Variants in CREB1 observed in about 807,000 individuals in gnomAD.
CREB1 encodes the protein cyclic AMP-responsive element-binding protein 1.
CREB1 carries 2 observed loss-of-function variants against 42.0 expected under a neutral mutation model. The ratio of observed to expected loss-of-function variants is 0.05; its 90% CI spans 0.02 to 0.15. The LOEUF is 0.15. CREB1 is among the 10% of genes least tolerant of loss of function. The probability of loss-of-function intolerance (pLI) is 1.00; values close to 1 mark genes in which losing one functional copy is unlikely to be tolerated. For synonymous variants in CREB1, 123 were observed against 139.9 expected (o/e 0.88, Z 0.85); for missense variants, 199 against 388.9 (o/e 0.51, Z 4.11).
intron 1 of CREB1, among the ~76,000 whole-genome samples, chr2:207,539,410 G>C (rs2081007033): frequency 1.3e-5 from 2 of 152,118 alleles, no homozygotes; most frequent in Middle Eastern, 3.4e-3. Flanking sequence ...ATTGTTTGCT[G>C]TGATCAATGG....
intron 5 of CREB1, among the ~76,000 whole-genome samples, chr2:207,571,115 C>G (rs1000971118): frequency 1.3e-5 from 2 of 150,218 alleles, no homozygotes; most frequent in East Asian, 3.9e-4. Context: ...CATTTATACC[C>G]TTTTCCCCAC....
rs1036202903 is a variant in CREB1 at position 207,605,189 on chromosome 2, T to C, written c.*8131T>C. Among the ~76,000 whole-genome samples, 1 of 152,216 alleles carries C rather than the reference T, an allele frequency of 6.6e-6. No individual in the cohort carries two copies. Among genetic ancestry groups the C allele is most frequent in the South Asian group, 2.1e-4 (1 of 4,834 alleles). On this transcript the variant is annotated 3_prime_UTR_variant, in exon 8 of 8. Transcript: ENST00000353267. ...GTACCGTTTTACCTTCCACCATTGA[T>C]GTATGAGGGTTCCAATTTCTCCACA... is the stretch of plus-strand genomic sequence containing the variant.
At chr2:207,582,045 G>A (rs371674494) in intron 7 of CREB1, 9 of 699,948 alleles carry the variant, frequency 1.3e-5, no homozygotes, top group East Asian at 5.4e-5. Context: ...TACATAATTG[G>A]CGATATTAAC....
Position 207,601,933 on chromosome 2 carries a change from G to A in CREB1, c.*4875G>A. On this transcript the variant is annotated 3_prime_UTR_variant, in exon 8 of 8. Transcript: ENST00000353267. The stretch of plus-strand genomic sequence containing the variant: ...CTATTAAGTTGGCTACACAGTCACT[G>A]TATGTACTAGGAACTGGTTTCCTTG... 4.7e-6 allele frequency: 1 copy of A among 211,230 alleles called. No homozygotes were observed. The allele number at this position is 211,230 out of a possible 1,614,324, so 13.1% of individuals were successfully genotyped here. A position where few individuals can be genotyped will look rare whatever the true frequency, so the allele number is the denominator to read the frequency against.
chr2:207,594,002 A>G (rs959383356), intron 7 of CREB1, among the ~76,000 whole-genome samples: 13 of 152,134 alleles, frequency 8.5e-5, no homozygotes, highest in African/African-American at 3.1e-4. Flanking sequence ...CTGGGATTAC[A>G]GGGGTGAGCC....
At chr2:207,573,291 T>C (rs1053861501) in intron 5 of CREB1, among the ~76,000 whole-genome samples, 3 of 152,226 alleles carry the variant, frequency 2.0e-5, no homozygotes, top group Admixed American at 6.5e-5. Flanking sequence ...TACATAAACA[T>C]TATAGAGAAA....
At chr2:207,571,105 C>A (rs903777813) in intron 5 of CREB1, among the ~76,000 whole-genome samples, 1 of 144,820 alleles carries the variant, frequency 6.9e-6, no homozygotes, top group African/African-American at 2.5e-5. Context: ...TGGTGCTGCC[C>A]ATTTATACCC....
chr2:207,596,910 G>T lies in CREB1; in HGVS notation c.840-4G>T. The T allele has an allele frequency of 2.5e-6, 4 of 1,603,402 alleles. No homozygotes were observed. The South Asian group carries it at 3.4e-5, about 14-fold the overall frequency. The stretch of plus-strand genomic sequence containing the variant: ...TAATTTTTCCCGTCCTCTTTTGCTT[G>T]TAGGGAAGCAGCTCGAGAGTGTCGT... On this transcript the variant is annotated splice_polypyrimidine_tract_variant and splice_region_variant and intron_variant, in intron 7 of 7. Coordinates refer to ENST00000353267, the MANE Select transcript of CREB1 (RefSeq NM_004379.5).
rs1325741902 is a variant in CREB1, at chr2:207,538,295, A to G, written c.-9+8161A>G. Among the ~76,000 whole-genome samples the G allele has an allele frequency of 8.5e-5, 13 of 152,294 alleles. No homozygotes were observed. The East Asian group carries it at 1.9e-3, about 23-fold the overall frequency. ...GAGAAGGCAGTTTCTCCAGTGATGA[A>G]TAATTACCTATAATTTAATACGTGC... On this transcript the variant is annotated intron_variant, in intron 1 of 7. Coordinates refer to ENST00000353267, the MANE Select transcript of CREB1 (RefSeq NM_004379.5).
intron 7 of CREB1, among the ~76,000 whole-genome samples, chr2:207,591,465 T>TG (rs1184831711): frequency 1.3e-5 from 2 of 152,206 alleles, no homozygotes; most frequent in African/African-American, 2.4e-5. Context: ...CTTGCTCTGT[T>TG]GCCCAGGCTG....
intron 5 of CREB1, among the ~76,000 whole-genome samples, chr2:207,572,765 G>A (rs1027329272): frequency 6.6e-6 from 1 of 151,260 alleles, no homozygotes; most frequent in Non-Finnish European, 1.5e-5. Context: ...GCAGTGAGCC[G>A]AGATAGCGCC....
Position 207,601,529 on chromosome 2 carries a change from GA to G in CREB1, c.*4475del. The stretch of plus-strand genomic sequence containing the variant: ...TTTCATCTTGGATGAAGATTGAAGG[GA>G]AAATAACTCAAGTGCATAATATTTA... On this transcript the variant is annotated 3_prime_UTR_variant, in exon 8 of 8. Transcript: ENST00000353267. 5.1e-6 allele frequency: 1 copy of G among 196,844 alleles called. No homozygotes were observed. The highest frequency in any genetic ancestry group is 1.1e-5 in the Non-Finnish European group (1 of 94,946). The allele number at this position is 196,844 out of a possible 1,614,324, so 12.2% of individuals were successfully genotyped here.
At chr2:207,559,312 C>G (rs1045192945) in intron 2 of CREB1, 22 of 979,524 alleles carry the variant, frequency 2.2e-5, no homozygotes, top group Non-Finnish European at 2.5e-5. Flanking sequence ...ACATTCTTCC[C>G]TGATAGCCTC....
At chr2:207,578,747 A>T (rs1287654476) in intron 7 of CREB1, among the ~76,000 whole-genome samples, 1 of 151,466 alleles carries the variant, frequency 6.6e-6, no homozygotes, top group Non-Finnish European at 1.5e-5. Context: ...AATGGCAGAG[A>T]TTTTTCTGGG....
At position 207,604,821 on chromosome 2, in the gene CREB1, G is replaced by A. The variant is rs1232373567; in HGVS notation, c.*7763G>A. Among the ~76,000 whole-genome samples, 2 of 152,210 alleles carry A rather than the reference G, an allele frequency of 1.3e-5. No individual in the cohort carries two copies. The highest frequency in any genetic ancestry group is 4.8e-5 in the African/African-American group (2 of 41,450). On this transcript the variant is annotated 3_prime_UTR_variant, in exon 8 of 8. Coordinates refer to ENST00000353267, the MANE Select transcript of CREB1 (RefSeq NM_004379.5). ...ATTTACATCCGGGTATTTCATGTGA[G>A]ACTCATACACTGTGTATTACTTCTT...
intron 7 of CREB1, chr2:207,581,256 A>C (rs1559055514): frequency 5.0e-6 from 1 of 201,070 alleles, no homozygotes; most frequent in Non-Finnish European, 1.0e-5. Flanking sequence ...AGATTCTTAG[A>C]AAATGGATAG....
At chr2:207,557,071 G>C (rs1010688417) in intron 2 of CREB1, among the ~76,000 whole-genome samples, 1 of 152,150 alleles carries the variant, frequency 6.6e-6, no homozygotes, top group African/African-American at 2.4e-5. Context: ...CCGGGAGGCA[G>C]AGGTTGCAGT....
Position 207,600,238 on chromosome 2 carries a change from C to CATATAT in CREB1, c.*3200_*3205dup, listed in dbSNP as rs71036937. On this transcript the variant is annotated 3_prime_UTR_variant, in exon 8 of 8. Coordinates refer to ENST00000353267, the MANE Select transcript of CREB1 (RefSeq NM_004379.5). ...GTGGCATTTGTATAATATATGTGTACATATATATATATATATATATATATA... is the reference window on the plus strand; with the variant it reads ...GTGGCATTTGTATAATATATGTGTACATATATATATATATATATATATATATATATA... 8.9e-3 allele frequency: 1,294 copies of CATATAT among 145,644 alleles called. 8 individuals are homozygous for CATATAT. The highest frequency in any genetic ancestry group is 0.015 in the East Asian group (92 of 6,108). 9.0% of individuals were successfully genotyped at this position (145,644 alleles called of 1,614,324 possible).
chr2:207,553,098 T>C (rs2081580509), intron 1 of CREB1, among the ~76,000 whole-genome samples: 1 of 119,266 alleles, frequency 8.4e-6, no homozygotes. Context: ...AGATGGAGTG[T>C]CACTCTGACA....
Sources: gnomAD v4.1 joint callset for allele counts (sites outside exome capture counted in the v4.1 genomes callset) on GRCh38, gnomAD v4.1.1 for gene constraint, MANE v1.5 for transcripts, NCBI Gene and HGNC (gene_info 2026-07-23, HGNC 2026-07-21) for gene names.